The following AKAIN1 variants were observed in gnomAD, a reference collection of about 807,000 sequenced individuals.
AKAIN1 encodes A-kinase anchor inhibitor 1.
A neutral mutation model predicts 3.7 loss-of-function variants in AKAIN1; 3 were observed. That is an observed-to-expected ratio of 0.82 (90% CI 0.37 to 2.12). The LOEUF (loss-of-function observed/expected upper bound fraction) is 2.12. Ranked by LOEUF, AKAIN1 falls within the 30% of genes most tolerant of loss-of-function variation. AKAIN1 has a pLI of 0.06. For missense variants in AKAIN1, 82 were observed against 82.7 expected (o/e 0.99, Z 0.03); for synonymous variants, 31 against 30.8 (o/e 1.01, Z -0.02).
chr18:5,176,502 A>G (rs1380609257), intron 1 of AKAIN1, among the ~76,000 whole-genome samples: 1 of 152,112 alleles, frequency 6.6e-6, no homozygotes, highest in Non-Finnish European at 1.5e-5. Flanking sequence ...ACTTCAATTG[A>G]AAAAGTGTTA....
chr18:5,178,924 T>A (rs562695911), intron 1 of AKAIN1, among the ~76,000 whole-genome samples: 1 of 152,192 alleles, frequency 6.6e-6, no homozygotes, highest in African/African-American at 2.4e-5. Flanking sequence ...AGATAAAAAT[T>A]CTGCCCCTTT....
Position 5,190,583 on chromosome 18 carries a change from A to G in AKAIN1, c.16+6455T>C, listed in dbSNP as rs149205645. ...ATAAGCAGAAAAAATTGAAAAATTC[A>G]CATCATTTTCTAATAGTAGCCCAAT... On this transcript the variant is annotated intron_variant, in intron 1 of 1. Transcript: ENST00000434239. Among the ~76,000 whole-genome samples the G allele has an allele frequency of 2.0e-3, 305 of 152,314 alleles. 7 individuals are homozygous for G. The East Asian group carries it at 0.051, about 25-fold the overall frequency.
In AKAIN1 at chr18:5,149,249, T is replaced by C. The variant is rs78178590; in HGVS notation, c.17-3494A>G. Among the ~76,000 whole-genome samples, 1,128 of 152,218 alleles carry C rather than the reference T, an allele frequency of 7.4e-3. 23 individuals are homozygous for C. The highest frequency in any genetic ancestry group is 0.026 in the African/African-American group (1,091 of 41,526). On this transcript the variant is annotated intron_variant, in intron 1 of 1. Coordinates refer to ENST00000434239, the MANE Select transcript of AKAIN1 (RefSeq NM_001145194.2). ...GAGCAGAGAAAGAGAGGGATTAAGGTTGGGAGAAAAGCCACCCAGAGCACT... is the reference window on the plus strand; with the variant it reads ...GAGCAGAGAAAGAGAGGGATTAAGGCTGGGAGAAAAGCCACCCAGAGCACT...
intron 1 of AKAIN1, among the ~76,000 whole-genome samples, chr18:5,172,615 C>T (rs1412708432): frequency 6.6e-6 from 1 of 151,432 alleles, no homozygotes; most frequent in African/African-American, 2.4e-5. Flanking sequence ...ATTATTTTAC[C>T]AAAGGCTAAA....
chr18:5,162,119 C>G (rs557961241), intron 1 of AKAIN1, among the ~76,000 whole-genome samples: 2 of 152,192 alleles, frequency 1.3e-5, no homozygotes, highest in African/African-American at 4.8e-5. Context: ...GGACTTAGGT[C>G]AAAATCAGTG....
intron 1 of AKAIN1, among the ~76,000 whole-genome samples, chr18:5,188,772 A>G (rs1488768082): frequency 6.6e-6 from 1 of 151,928 alleles, no homozygotes; most frequent in African/African-American, 2.4e-5. Context: ...CATACCAAAG[A>G]ACTCCCCCAA....
intron 1 of AKAIN1, among the ~76,000 whole-genome samples, chr18:5,189,345 C>G (rs906594402): frequency 6.6e-6 from 1 of 152,172 alleles, no homozygotes; most frequent in African/African-American, 2.4e-5. Flanking sequence ...GATGACTTGG[C>G]CACAGCATTC....
At chr18:5,156,274 G>A (rs1216568160) in intron 1 of AKAIN1, among the ~76,000 whole-genome samples, 2 of 152,076 alleles carry the variant, frequency 1.3e-5, no homozygotes, top group Non-Finnish European at 2.9e-5. Context: ...CACCCCCACC[G>A]TATGCCACTG....
Position 5,143,674 on chromosome 18 carries a change from C to G in AKAIN1, c.*1888G>C, listed in dbSNP as rs1341440254. ...AAACGGCAGAGTCTAGAAAACTTTG[C>G]TTAAGATATTTCAAAGCTGTATGTG... On this transcript the variant is annotated 3_prime_UTR_variant, in exon 2 of 2. Transcript: ENST00000434239. 6.6e-6 allele frequency among the ~76,000 whole-genome samples: 1 copy of G among 152,124 alleles called. No individual in the cohort carries two copies. The highest frequency in any genetic ancestry group is 1.9e-4 in the East Asian group (1 of 5,196).
Position 5,189,968 on chromosome 18 carries a change from A to G in AKAIN1, c.16+7070T>C, listed in dbSNP as rs147897843. ...GTTCATTTGGTGTTGCCATACCAAA[A>G]TACAACAGACTTAGTGATTTATGCG... On this transcript the variant is annotated intron_variant, in intron 1 of 1. Coordinates refer to ENST00000434239, the MANE Select transcript of AKAIN1 (RefSeq NM_001145194.2). Among the ~76,000 whole-genome samples the G allele has an allele frequency of 5.5e-3, 845 of 152,306 alleles. 20 individuals carry two copies. Among genetic ancestry groups the G allele is most frequent in the Admixed American group, 0.043 (659 of 15,290 alleles).
At chr18:5,192,585 A>C (rs2071328037) in intron 1 of AKAIN1, among the ~76,000 whole-genome samples, 1 of 152,042 alleles carries the variant, frequency 6.6e-6, no homozygotes, top group Admixed American at 6.6e-5. Flanking sequence ...CCACACATCG[A>C]ATCTGCCAAC....
At chr18:5,170,871 T>C (rs1598310735) in intron 1 of AKAIN1, 1 of 152,118 alleles carries the variant, frequency 6.6e-6, no homozygotes, top group East Asian at 1.9e-4. Flanking sequence ...CTAGGCCACA[T>C]GGGGATGCCA....
chr18:5,160,834 T>C (rs1421963544), intron 1 of AKAIN1, among the ~76,000 whole-genome samples: 1 of 151,694 alleles, frequency 6.6e-6, no homozygotes, highest in Non-Finnish European at 1.5e-5. Context: ...TGACTTGCCA[T>C]GCCTCCTTCA....
At chr18:5,188,657 G>A (rs1370394278) in intron 1 of AKAIN1, among the ~76,000 whole-genome samples, 1 of 152,008 alleles carries the variant, frequency 6.6e-6, no homozygotes, top group African/African-American at 2.4e-5. Flanking sequence ...GGGATGTCAT[G>A]GGAAGCATAA....
At chr18:5,190,763 G>T (rs373625392) in intron 1 of AKAIN1, among the ~76,000 whole-genome samples, 2 of 152,052 alleles carry the variant, frequency 1.3e-5, no homozygotes, top group East Asian at 3.9e-4. Flanking sequence ...GCATATGAAT[G>T]CCTTCTTCCT....
chr18:5,172,651 A>G (rs2071204364), intron 1 of AKAIN1, among the ~76,000 whole-genome samples: 2 of 150,532 alleles, frequency 1.3e-5, no homozygotes, highest in South Asian at 4.1e-4. Flanking sequence ...TATTTTAGGG[A>G]GGAATAAAGT....
chr18:5,152,474 C>T (rs1342618694), intron 1 of AKAIN1, among the ~76,000 whole-genome samples: 1 of 152,118 alleles, frequency 6.6e-6, no homozygotes, highest in African/African-American at 2.4e-5. Context: ...CCCTAATCTC[C>T]TTGGGTAGAC....
chr18:5,169,173 C>A (rs1455414544), intron 1 of AKAIN1, among the ~76,000 whole-genome samples: 1 of 152,094 alleles, frequency 6.6e-6, no homozygotes, highest in African/African-American at 2.4e-5. Context: ...AGAGAATCTT[C>A]TTTATTGGGA....
chr18:5,177,292 A>C (rs1170005559), intron 1 of AKAIN1, among the ~76,000 whole-genome samples: 1 of 152,180 alleles, frequency 6.6e-6, no homozygotes, highest in Non-Finnish European at 1.5e-5. Flanking sequence ...TATTATTACT[A>C]TTCTATAATT....
Sources: allele counts gnomAD v4.1 joint callset (sites outside exome capture counted in the v4.1 genomes callset), GRCh38; gene constraint gnomAD v4.1.1; transcripts MANE v1.5; gene names NCBI Gene and HGNC (gene_info 2026-07-23, HGNC 2026-07-21).